GRM5: variants seen among roughly 807,000 people sequenced by gnomAD.
GRM5 encodes metabotropic glutamate receptor 5.
A neutral mutation model predicts 83.1 loss-of-function variants in GRM5; 19 were observed. That is an observed-to-expected ratio of 0.23 (90% CI 0.16 to 0.34). The LOEUF (loss-of-function observed/expected upper bound fraction) is 0.34. Ranked by LOEUF, GRM5 falls within the 10% of genes least tolerant of loss-of-function variation. The probability of loss-of-function intolerance (pLI) is 1.00; values close to 1 mark genes in which losing one functional copy is unlikely to be tolerated. For synonymous variants in GRM5, 675 were observed against 633.6 expected (o/e 1.07, Z -0.98); for missense variants, 1,160 against 1,588.3 (o/e 0.73, Z 4.58).
intron 2 of GRM5, among the ~76,000 whole-genome samples, chr11:88,918,905 A>G (rs1426746736): frequency 2.0e-5 from 3 of 151,872 alleles, no homozygotes; most frequent in Non-Finnish European, 2.9e-5. Context: ...ACACACACAC[A>G]AAATAAAAAT....
At chr11:88,584,597 C>T (rs921857707) in intron 7 of GRM5, among the ~76,000 whole-genome samples, 15 of 152,182 alleles carry the variant, frequency 9.9e-5, no homozygotes, top group East Asian at 5.8e-4. Flanking sequence ...CATGCACCAC[C>T]GTGGCTGGCT....
At chr11:88,870,805 G>A (rs117941243) in intron 2 of GRM5, among the ~76,000 whole-genome samples, 2,743 of 151,488 alleles carry the variant, frequency 0.018, 44 homozygotes, top group East Asian at 0.067. Context: ...AAAATGAGAG[G>A]TAAAGCCAAG....
chr11:89,049,367 A>G (rs1012991362), intron 1 of GRM5, among the ~76,000 whole-genome samples: 2 of 152,202 alleles, frequency 1.3e-5, no homozygotes, highest in African/African-American at 2.4e-5. Flanking sequence ...TAGTGATTTG[A>G]TCACTTAGGG....
At chr11:88,616,402 T>G (rs1331261105) in intron 4 of GRM5, among the ~76,000 whole-genome samples, 81 of 150,100 alleles carry the variant, frequency 5.4e-4, no homozygotes, top group African/African-American at 1.9e-3. Context: ...TTTTTTTTTT[T>G]TTTTTTTTTT....
At chr11:88,957,249 C>T (rs1218328852) in intron 2 of GRM5, among the ~76,000 whole-genome samples, 1 of 152,070 alleles carries the variant, frequency 6.6e-6, no homozygotes, top group Non-Finnish European at 1.5e-5. Context: ...AGAATATATT[C>T]AAGAGAATTG....
Position 88,787,131 on chromosome 11 carries a change from A to ATGTGTG in GRM5, c.911+62769_911+62774dup, listed in dbSNP as rs57116541. 4.0e-3 allele frequency among the ~76,000 whole-genome samples: 578 copies of ATGTGTG among 143,436 alleles called. 2 individuals carry two copies. The highest frequency in any genetic ancestry group is 7.2e-3 in the South Asian group (31 of 4,304). The allele number at this position is 143,436 out of a possible 152,430, so 94.1% of individuals were successfully genotyped here. On this transcript the variant is annotated intron_variant, in intron 3 of 9. Transcript: ENST00000305447. The stretch of plus-strand genomic sequence containing the variant: ...ATTTAAAAATATGATATATGATATG[A>ATGTGTG]TGTGTGTGTGTGTGTGTGTGTGTGT...
At chr11:89,027,598 C>G (rs550011556) in intron 2 of GRM5, among the ~76,000 whole-genome samples, 2 of 152,184 alleles carry the variant, frequency 1.3e-5, no homozygotes, top group Non-Finnish European at 2.9e-5. Flanking sequence ...ACCAAGCTCT[C>G]ATAAATTAGT....
At chr11:88,643,349 A>G (rs1939349796) in intron 4 of GRM5, among the ~76,000 whole-genome samples, 1 of 152,176 alleles carries the variant, frequency 6.6e-6, no homozygotes. Flanking sequence ...ACTGTTCATT[A>G]GAACATATCC....
chr11:88,775,606 A>G (rs1011012989), intron 3 of GRM5, among the ~76,000 whole-genome samples: 1 of 151,986 alleles, frequency 6.6e-6, no homozygotes, highest in African/African-American at 2.4e-5. Context: ...TACATACTGC[A>G]TTAAATGTGT....
In GRM5 at chr11:88,806,864, C is replaced by T. The variant is rs1292668247; in HGVS notation, c.911+43042G>A. The stretch of plus-strand genomic sequence containing the variant: ...AATTGATCCCCAGATAGTATTGTTA[C>T]CTCTCCACATCTTCATTTCTTTACC... On this transcript the variant is annotated intron_variant, in intron 3 of 9. Transcript: ENST00000305447. 2.6e-5 allele frequency among the ~76,000 whole-genome samples: 4 copies of T among 152,116 alleles called. No individual in the cohort carries two copies. The East Asian group carries it at 7.7e-4, about 29-fold the overall frequency.
In GRM5 at chr11:88,686,173, C is replaced by G. The variant is rs556157664; in HGVS notation, c.912-32770G>C. Among the ~76,000 whole-genome samples the G allele has an allele frequency of 3.9e-5, 6 of 152,306 alleles. No individual in the cohort carries two copies. The South Asian group carries it at 8.3e-4, about 21-fold the overall frequency. On this transcript the variant is annotated intron_variant, in intron 3 of 9. Coordinates refer to ENST00000305447, the MANE Select transcript of GRM5 (RefSeq NM_001143831.3). ...TGCCTAAGACCATGGGAGTCCACTT[C>G]TTGCATCAGTGTGACCTGGATGTGA...
At chr11:88,798,805 C>CAAAAAAAAAAAAAAAAAAA (rs4002396) in intron 3 of GRM5, among the ~76,000 whole-genome samples, 25 of 55,362 alleles carry the variant, frequency 4.5e-4, no homozygotes, top group African/African-American at 1.4e-3. Flanking sequence ...ATGAAAACAC[C>CAAAAAAAAAAAAAAAAAAA]AAAAAAAAAA....
intron 8 of GRM5, among the ~76,000 whole-genome samples, chr11:88,555,755 G>T (rs1169849637): frequency 1.3e-5 from 2 of 152,124 alleles, no homozygotes; most frequent in Non-Finnish European, 2.9e-5. Flanking sequence ...ATTTTCTTCA[G>T]TTGCTTTTTT....
At chr11:89,045,876 A>G (rs1453758073) in intron 2 of GRM5, among the ~76,000 whole-genome samples, 2 of 152,164 alleles carry the variant, frequency 1.3e-5, no homozygotes, top group Admixed American at 6.5e-5. Flanking sequence ...CATCCCTGCT[A>G]ATTTTCACCA....
Position 88,758,892 on chromosome 11 carries a change from T to A in GRM5, c.911+91014A>T, listed in dbSNP as rs541902378. On this transcript the variant is annotated intron_variant, in intron 3 of 9. Transcript: ENST00000305447. ...AAATCCATCATGCTAACAGTAGACC[T>A]CTCAGCAGAAACCCTACAAGCCAGA... is the stretch of plus-strand genomic sequence containing the variant. Among the ~76,000 whole-genome samples the A allele has an allele frequency of 2.6e-5, 4 of 152,230 alleles. No individual in the cohort carries two copies. The South Asian group carries it at 8.3e-4, about 32-fold the overall frequency.
chr11:88,732,314 C>A (rs1034169539), intron 3 of GRM5, among the ~76,000 whole-genome samples: 1 of 152,000 alleles, frequency 6.6e-6, no homozygotes, highest in Non-Finnish European at 1.5e-5. Context: ...AACCAATGAA[C>A]CTATGTCCAA....
At chr11:88,848,007 T>C (rs1380669638) in intron 3 of GRM5, among the ~76,000 whole-genome samples, 1 of 152,202 alleles carries the variant, frequency 6.6e-6, no homozygotes, top group Non-Finnish European at 1.5e-5. Flanking sequence ...ATTTTTCTTA[T>C]TAATGCTGGC....
intron 6 of GRM5, among the ~76,000 whole-genome samples, chr11:88,596,352 C>T (rs1054862333): frequency 2.0e-5 from 3 of 152,116 alleles, no homozygotes; most frequent in African/African-American, 4.8e-5. Flanking sequence ...TTTGTTTATT[C>T]ATCTTCCTTA....
chr11:88,663,556 A>T (rs920004299), intron 3 of GRM5, among the ~76,000 whole-genome samples: 9 of 152,226 alleles, frequency 5.9e-5, no homozygotes, highest in Non-Finnish European at 1.3e-4. Context: ...TTGTATCCAT[A>T]GCTTTATATA....
Sources: allele counts gnomAD v4.1 joint callset (sites outside exome capture counted in the v4.1 genomes callset), GRCh38; gene constraint gnomAD v4.1.1; transcripts MANE v1.5; gene names NCBI Gene and HGNC (gene_info 2026-07-23, HGNC 2026-07-21).